PCDH9: variants seen among roughly 807,000 people sequenced by gnomAD.
PCDH9 encodes protocadherin-9.
In PCDH9, 24 loss-of-function variants were observed where a neutral mutation model predicts 70.6. The observed-to-expected ratio is 0.34, with a 90% CI of 0.25 to 0.48. The LOEUF is 0.48. Among genes scored for constraint, PCDH9 ranks in the 20% least tolerant of loss-of-function variants. The pLI, the probability that PCDH9 is intolerant of heterozygous loss-of-function variation, is 0.99. For synonymous variants in PCDH9, 562 were observed against 558.5 expected, an observed-to-expected ratio of 1.01 and a Z score of -0.09; for missense variants, 1,281 against 1,503.6, an observed-to-expected ratio of 0.85 and a Z score of 2.45.
At chr13:66,871,955 A>G (rs1023775345) in intron 3 of PCDH9, among the ~76,000 whole-genome samples, 1 of 152,046 alleles carries the variant, frequency 6.6e-6, no homozygotes, top group Non-Finnish European at 1.5e-5. Context: ...TCCAAGCTCC[A>G]CAGTTAGAAT....
intron 2 of PCDH9, among the ~76,000 whole-genome samples, chr13:67,187,551 T>G (rs1039009186): frequency 6.6e-6 from 1 of 152,174 alleles, no homozygotes; most frequent in Non-Finnish European, 1.5e-5. Flanking sequence ...CTTATTAAGC[T>G]GCATCCTACA....
intron 2 of PCDH9, among the ~76,000 whole-genome samples, chr13:66,994,837 T>C (rs2084078470): frequency 6.6e-6 from 1 of 152,160 alleles, no homozygotes; most frequent in Admixed American, 6.5e-5. Context: ...CAAAACCACA[T>C]AGGACCTGGC....
At chr13:66,403,993 C>T (rs547089811) in intron 4 of PCDH9, among the ~76,000 whole-genome samples, 6 of 152,250 alleles carry the variant, frequency 3.9e-5, no homozygotes, top group African/African-American at 9.6e-5. Context: ...AAGATAAAGG[C>T]TGAGATTCTA....
chr13:66,541,582 T>C (rs1960958732), intron 4 of PCDH9, among the ~76,000 whole-genome samples: 1 of 152,174 alleles, frequency 6.6e-6, no homozygotes, highest in African/African-American at 2.4e-5. Flanking sequence ...ATGTCCATCT[T>C]CTCTGCGTGT....
intron 4 of PCDH9, among the ~76,000 whole-genome samples, chr13:66,312,671 T>G (rs1175982008): frequency 6.6e-6 from 1 of 152,178 alleles, no homozygotes; most frequent in East Asian, 1.9e-4. Flanking sequence ...AGTGTGAAAT[T>G]ATATTTTGAA....
intron 4 of PCDH9, among the ~76,000 whole-genome samples, chr13:66,498,273 T>G (rs973005117): frequency 1.3e-5 from 2 of 151,702 alleles, no homozygotes; most frequent in Non-Finnish European, 2.9e-5. Context: ...GCCTCCCCAG[T>G]AGCTGGGACT....
chr13:67,198,113 A>C (rs2089120157), intron 2 of PCDH9, among the ~76,000 whole-genome samples: 2 of 151,696 alleles, frequency 1.3e-5, no homozygotes, highest in African/African-American at 4.8e-5. Flanking sequence ...ATTTATTTTA[A>C]ATATCATGTA....
chr13:67,184,075 C>T (rs182915086), intron 2 of PCDH9, among the ~76,000 whole-genome samples: 4 of 152,068 alleles, frequency 2.6e-5, no homozygotes, highest in South Asian at 2.1e-4. Context: ...CTAGTGTTTG[C>T]GGTATAAATT....
intron 2 of PCDH9, among the ~76,000 whole-genome samples, chr13:67,015,994 T>C (rs2084553176): frequency 1.3e-5 from 2 of 152,184 alleles, no homozygotes; most frequent in African/African-American, 4.8e-5. Flanking sequence ...GCTCAACATA[T>C]ATTTTAAGAG....
chr13:66,750,816 A>C (rs888385283), intron 3 of PCDH9, among the ~76,000 whole-genome samples: 11 of 152,148 alleles, frequency 7.2e-5, no homozygotes, highest in Admixed American at 6.6e-4. Flanking sequence ...CCTACCCATA[A>C]AACATTAGCA....
intron 2 of PCDH9, chr13:67,214,972 A>ATATATATATATATATAT (rs1566500830): frequency 8.0e-6 from 1 of 124,354 alleles, no homozygotes; most frequent in African/African-American, 2.9e-5. Flanking sequence ...ATATATATAT[A>ATATATATATATATATAT]TTCACTTAAT....
At chr13:66,419,497 A>G (rs1957523856) in intron 4 of PCDH9, among the ~76,000 whole-genome samples, 1 of 151,734 alleles carries the variant, frequency 6.6e-6, no homozygotes, top group Admixed American at 6.6e-5. Flanking sequence ...GGTGCAGCCC[A>G]TGGAGGGCAA....
At chr13:66,379,917 G>T (rs1028047119) in intron 4 of PCDH9, among the ~76,000 whole-genome samples, 10 of 151,896 alleles carry the variant, frequency 6.6e-5, no homozygotes, top group Admixed American at 1.3e-4. Flanking sequence ...GGGGCAAATG[G>T]CCTGTGCCTC....
rs141312703 is a variant in PCDH9, at chr13:66,805,074, T to C, written c.3138+98430A>G. Among the ~76,000 whole-genome samples, 493 of 152,286 alleles carry C rather than the reference T, an allele frequency of 3.2e-3. 5 individuals carry two copies. Among genetic ancestry groups the C allele is most frequent in the African/African-American group, 0.011 (478 of 41,576 alleles). ...CTACCACCTCCCTTATCTTGGCAGATAGTTAATAAATATGTTTCATCCATT... is the reference window on the plus strand; with the variant it reads ...CTACCACCTCCCTTATCTTGGCAGACAGTTAATAAATATGTTTCATCCATT... On this transcript the variant is annotated intron_variant, in intron 3 of 4. Transcript: ENST00000377865.
At chr13:66,392,205 A>AT (rs988680532) in intron 4 of PCDH9, among the ~76,000 whole-genome samples, 1 of 151,888 alleles carries the variant, frequency 6.6e-6, no homozygotes, top group Non-Finnish European at 1.5e-5. Context: ...AAAAATATGT[A>AT]TTTTTTTAAA....
chr13:67,154,944 C>T (rs1406867392), intron 2 of PCDH9, among the ~76,000 whole-genome samples: 1 of 151,950 alleles, frequency 6.6e-6, no homozygotes, highest in Non-Finnish European at 1.5e-5. Context: ...AACTCCTGAT[C>T]TCAGGTGATC....
intron 3 of PCDH9, among the ~76,000 whole-genome samples, chr13:66,835,269 C>T (rs908250256): frequency 2.0e-5 from 3 of 152,170 alleles, no homozygotes; most frequent in African/African-American, 7.2e-5. Context: ...CCCGCACACC[C>T]GGCTGGAGCT....
chr13:66,677,670 T>C (rs762529178), intron 3 of PCDH9, among the ~76,000 whole-genome samples: 2 of 152,100 alleles, frequency 1.3e-5, no homozygotes, highest in Non-Finnish European at 2.9e-5. Context: ...GCTTTCATCA[T>C]GTGATGTGCC....
rs1316340182 is a variant in PCDH9 at position 66,539,571 on chromosome 13, GGAA to G, written c.3340+91636_3340+91638del. 4.6e-5 allele frequency among the ~76,000 whole-genome samples: 7 copies of G among 152,198 alleles called. No individual in the cohort carries two copies. The South Asian group carries it at 1.5e-3, about 32-fold the overall frequency. On this transcript the variant is annotated intron_variant, in intron 4 of 4. Transcript: ENST00000377865. ...ACAATCATAGAGCTCAGACATGGCT[GGAA>G]GAATCACTCAGCTGAGCTCAGCCCA...
Sources: gnomAD v4.1 joint callset for allele counts (sites outside exome capture counted in the v4.1 genomes callset) on GRCh38, gnomAD v4.1.1 for gene constraint, MANE v1.5 for transcripts, NCBI Gene and HGNC (gene_info 2026-07-23, HGNC 2026-07-21) for gene names.